RAD51B: variants seen among roughly 807,000 people sequenced by gnomAD.
RAD51B encodes the protein RAD51 paralog B.
A neutral mutation model predicts 42.2 loss-of-function variants in RAD51B; 38 were observed. The ratio of observed to expected loss-of-function variants is 0.90; its 90% confidence interval spans 0.70 to 1.18. RAD51B has a LOEUF of 1.18. Among genes scored for constraint, RAD51B ranks in the 50% most tolerant of loss-of-function variants. RAD51B has a pLI of 0.00. For synonymous variants in RAD51B, 154 were observed against 145.2 expected (o/e 1.06, Z -0.43); for missense variants, 373 against 400.7 (o/e 0.93, Z 0.59).
intron 9 of RAD51B, among the ~76,000 whole-genome samples, chr14:68,435,155 GT>G (rs909100436): frequency 2.4e-4 from 36 of 152,114 alleles, no homozygotes; most frequent in African/African-American, 8.7e-4. Flanking sequence ...CCCCATAGGT[GT>G]TGTTTTAAAC....
At chr14:67,955,108 A>G (rs1274461202) in intron 7 of RAD51B, among the ~76,000 whole-genome samples, 1 of 152,164 alleles carries the variant, frequency 6.6e-6, no homozygotes, top group Non-Finnish European at 1.5e-5. Flanking sequence ...GCAGTGGGAA[A>G]TAATTAAAAT....
chr14:67,986,154 A>T (rs141293768), intron 7 of RAD51B, among the ~76,000 whole-genome samples: 1 of 152,318 alleles, frequency 6.6e-6, no homozygotes, highest in East Asian at 1.9e-4. Flanking sequence ...TTATAGACAG[A>T]GATGATTTAT....
chr14:68,465,222 TA>T (rs1174903594), intron 9 of RAD51B, among the ~76,000 whole-genome samples: 1 of 152,242 alleles, frequency 6.6e-6, no homozygotes, highest in African/African-American at 2.4e-5. Flanking sequence ...GAGATTTTTT[TA>T]TATGTTTAGT....
At chr14:68,627,976 G>C (rs1389056502) in intron 10 of RAD51B, among the ~76,000 whole-genome samples, 2 of 151,992 alleles carry the variant, frequency 1.3e-5, no homozygotes, top group South Asian at 2.1e-4. Context: ...CCAGGCCCTT[G>C]ACGACAACCA....
At chr14:68,345,074 A>G (rs1004542099) in intron 8 of RAD51B, among the ~76,000 whole-genome samples, 5 of 152,010 alleles carry the variant, frequency 3.3e-5, no homozygotes, top group African/African-American at 1.2e-4. Context: ...CCCAATGCCC[A>G]TATTACCATT....
At chr14:67,971,819 TTTGCC>T (rs1452102761) in intron 7 of RAD51B, among the ~76,000 whole-genome samples, 1 of 152,022 alleles carries the variant, frequency 6.6e-6, no homozygotes, top group Non-Finnish European at 1.5e-5. Flanking sequence ...ATCACTCTGC[TTTGCC>T]TTAATTTCTC....
intron 8 of RAD51B, among the ~76,000 whole-genome samples, chr14:68,361,792 C>G (rs1415490261): frequency 6.6e-6 from 1 of 152,192 alleles, no homozygotes; most frequent in Admixed American, 6.5e-5. Flanking sequence ...TCTTCTGCCT[C>G]AGCCTCCCGA....
At chr14:68,435,703 T>G (rs562938261) in intron 9 of RAD51B, among the ~76,000 whole-genome samples, 1 of 152,302 alleles carries the variant, frequency 6.6e-6, no homozygotes, top group African/African-American at 2.4e-5. Flanking sequence ...TTTTAACTTT[T>G]TAATAAAGCC....
In RAD51B at chr14:68,382,263, G is replaced by A. The variant is rs115102593; in HGVS notation, c.854-29161G>A. Reference sequence around the variant, plus strand: ...TCTTCCCACTGGGTAGATGCCAATGGCATCCCTTCATTTGTGACAACCAAA... The same window carrying A: ...TCTTCCCACTGGGTAGATGCCAATGACATCCCTTCATTTGTGACAACCAAA... On this transcript the variant is annotated intron_variant, in intron 8 of 10. Transcript: ENST00000471583. Among the ~76,000 whole-genome samples, 560 of 152,288 alleles carry A rather than the reference G, an allele frequency of 3.7e-3. 3 individuals carry two copies. Among genetic ancestry groups the A allele is most frequent in the African/African-American group, 0.013 (527 of 41,562 alleles).
At chr14:68,396,302 C>T (rs1216280892) in intron 8 of RAD51B, among the ~76,000 whole-genome samples, 1 of 152,154 alleles carries the variant, frequency 6.6e-6, no homozygotes, top group Non-Finnish European at 1.5e-5. Context: ...GTCCCTCTTC[C>T]TATCCCACAT....
intron 8 of RAD51B, among the ~76,000 whole-genome samples, chr14:68,407,773 T>G (rs1188869880): frequency 6.6e-6 from 1 of 152,166 alleles, no homozygotes; most frequent in Non-Finnish European, 1.5e-5. Flanking sequence ...TTGGGACATG[T>G]GAACATAGGG....
At chr14:68,578,334 C>G (rs1890057591) in intron 10 of RAD51B, among the ~76,000 whole-genome samples, 1 of 152,124 alleles carries the variant, frequency 6.6e-6, no homozygotes, top group Non-Finnish European at 1.5e-5. Context: ...TCGCTTGAAC[C>G]CGGGAGGTGG....
At chr14:68,488,060 C>G (rs1883766898) in intron 10 of RAD51B, among the ~76,000 whole-genome samples, 1 of 151,900 alleles carries the variant, frequency 6.6e-6, no homozygotes. Flanking sequence ...GTGCATGAGA[C>G]AGGAAGAATG....
chr14:68,275,840 A>C lies in RAD51B; in HGVS notation c.757-16044A>C, dbSNP rs3784096. On this transcript the variant is annotated intron_variant, in intron 7 of 10. Transcript: ENST00000471583. ...CACACACACACACACACACACACAC[A>C]CCCTTGAATTCTCAGCTGACATGTT... Among the ~76,000 whole-genome samples the C allele has an allele frequency of 6.2e-3, 830 of 134,942 alleles. 12 individuals are homozygous for C. The highest frequency in any genetic ancestry group is 0.049 in the East Asian group (242 of 4,890). The allele number at this position is 134,942 out of a possible 152,430, so 88.5% of individuals were successfully genotyped here.
chr14:68,634,405 A>C (rs1020633128), intron 10 of RAD51B, among the ~76,000 whole-genome samples: 2 of 152,224 alleles, frequency 1.3e-5, no homozygotes. Context: ...ACAGCTGTGC[A>C]AGAACGGCAA....
chr14:68,620,845 T>A (rs1891930417), intron 10 of RAD51B, among the ~76,000 whole-genome samples: 1 of 152,190 alleles, frequency 6.6e-6, no homozygotes, highest in Non-Finnish European at 1.5e-5. Flanking sequence ...AGTTGATGAG[T>A]GGCAGCTCGG....
At chr14:68,427,361 C>A (rs1348685258) in intron 9 of RAD51B, among the ~76,000 whole-genome samples, 1 of 152,200 alleles carries the variant, frequency 6.6e-6, no homozygotes, top group Admixed American at 6.5e-5. Context: ...CAAGACTAAC[C>A]CGTAAGAGCT....
At chr14:68,500,003 C>T (rs1401485999) in intron 10 of RAD51B, among the ~76,000 whole-genome samples, 2 of 152,196 alleles carry the variant, frequency 1.3e-5, no homozygotes, top group Admixed American at 6.5e-5. Context: ...ATCTGGTCGT[C>T]TAGAAAACTG....
At chr14:68,071,801 T>C (rs1004081136) in intron 7 of RAD51B, among the ~76,000 whole-genome samples, 1 of 151,818 alleles carries the variant, frequency 6.6e-6, no homozygotes, top group African/African-American at 2.4e-5. Context: ...GAGGAGTCTC[T>C]TCTCCCCAGT....
Sources: allele counts gnomAD v4.1 joint callset (sites outside exome capture counted in the v4.1 genomes callset), GRCh38; gene constraint gnomAD v4.1.1; transcripts MANE v1.5; gene names NCBI Gene and HGNC (gene_info 2026-07-23, HGNC 2026-07-21).